Variants in EPHX1 observed in about 807,000 individuals in gnomAD.
The protein encoded by EPHX1 is epoxide hydrolase 1.
A neutral mutation model predicts 43.2 loss-of-function variants in EPHX1; 40 were observed. That is an observed-to-expected ratio of 0.93 (90% CI 0.72 to 1.21). The LOEUF is 1.21. Ranked by LOEUF, EPHX1 falls within the 50% of genes most tolerant of loss-of-function variation. The probability of loss-of-function intolerance (pLI) is 0.00; values close to 1 mark genes in which losing one functional copy is unlikely to be tolerated. For synonymous variants in EPHX1, 221 were observed against 226.7 expected (o/e 0.98, Z 0.22); for missense variants, 550 against 570.4 (o/e 0.96, Z 0.36).
At chr1:225,844,283 G>C (rs1015094184) in intron 7 of EPHX1, among the ~76,000 whole-genome samples, 12 of 151,552 alleles carry the variant, frequency 7.9e-5, no homozygotes, top group Non-Finnish European at 1.5e-4. Context: ...GGAGGACCTT[G>C]GGGTGATAAG....
rs1181475020 is a variant in EPHX1 at position 225,831,918 on chromosome 1, A to C, written c.323A>C (p.Glu108Ala). 2 of 1,614,074 alleles carry C rather than the reference A, an allele frequency of 1.2e-6. No homozygotes were observed. Among genetic ancestry groups the C allele is most frequent in the Non-Finnish European group, 1.7e-6 (2 of 1,180,050 alleles). The change falls in exon 3 of 9, where the codon GAG (glutamate) becomes GCG (alanine). Residue 108 changes from glutamate to alanine, a missense_variant. Coordinates refer to ENST00000272167, the MANE Select transcript of EPHX1 (RefSeq NM_001136018.4). ...RNEFDWKKQV[E>A]ILNRYPHFKT... ...GAATTTGACTGGAAGAAGCAGGTGG[A>C]GATTCTCAACAGATACCCTCACTTC... is the stretch of plus-strand genomic sequence containing the variant.
chr1:225,823,544 GGCT>G (rs1194171835), intron 1 of EPHX1, among the ~76,000 whole-genome samples: 1 of 152,038 alleles, frequency 6.6e-6, no homozygotes, highest in African/African-American at 2.4e-5. Context: ...TTGGACTCGA[GGCT>G]GCTGAGTTCC....
chr1:225,827,565 A>G (rs1419947458), intron 1 of EPHX1, among the ~76,000 whole-genome samples: 4 of 152,184 alleles, frequency 2.6e-5, no homozygotes, highest in Non-Finnish European at 5.9e-5. Context: ...TTAAAAGACA[A>G]CTGAGTTGAT....
rs756407271 is a variant in EPHX1, at chr1:225,838,682, G to GC, written c.400dup (p.Gln134ProfsTer26). The GC allele has an allele frequency of 4.7e-5, 76 of 1,613,522 alleles. No individual in the cohort carries two copies. The highest frequency in any genetic ancestry group is 6.0e-5 in the Non-Finnish European group (71 of 1,179,864). The stretch of plus-strand genomic sequence containing the variant: ...TGGACATCCACTTCATCCACGTGAA[G>GC]CCCCCCCAGCTGCCCGCAGGCCATA... On this transcript the variant is annotated frameshift_variant, in exon 4 of 9. Coordinates refer to ENST00000272167, the MANE Select transcript of EPHX1 (RefSeq NM_001136018.4). LOFTEE classifies it high-confidence loss of function.
At position 225,817,447 on chromosome 1, in the gene EPHX1, A is replaced by T. The variant is rs1389974713; in HGVS notation, c.-6+7278A>T. On this transcript the variant is annotated intron_variant, in intron 1 of 8. Transcript: ENST00000272167. The surrounding 1 kb of genome is among the most constrained non-coding windows in gnomAD (Gnocchi z 5.7). ...GGAAGCCATCCGTTTTTCCCTTTCC[A>T]CTGGATGTTCCCTTCGCCTTCCCCA... is the stretch of plus-strand genomic sequence containing the variant. Among the ~76,000 whole-genome samples the T allele has an allele frequency of 6.6e-6, 1 of 151,926 alleles. No individual in the cohort carries two copies. Among genetic ancestry groups the T allele is most frequent in the Non-Finnish European group, 1.5e-5 (1 of 67,952 alleles).
At chr1:225,834,639 ACTTCT>A (rs1168091568) in intron 3 of EPHX1, among the ~76,000 whole-genome samples, 1 of 149,610 alleles carries the variant, frequency 6.7e-6, no homozygotes, top group Non-Finnish European at 1.5e-5. Context: ...TCAAATTTGG[ACTTCT>A]CTTGAGTGTT....
intron 1 of EPHX1, 46 bp from the exon 2 acceptor site, chr1:225,828,679 C>G: frequency 6.2e-7 from 1 of 1,603,522 alleles, no homozygotes; most frequent in Non-Finnish European, 8.5e-7. Flanking sequence ...CTGTCAGGGC[C>G]GGGCTGGGCG....
chr1:225,830,541 T>C (rs1027702093), intron 2 of EPHX1, among the ~76,000 whole-genome samples: 3 of 152,200 alleles, frequency 2.0e-5, no homozygotes, highest in African/African-American at 7.2e-5. Flanking sequence ...CTTGGCTCAC[T>C]GCAACCTCCG....
In EPHX1 at chr1:225,842,455, G is replaced by A. The variant is rs779119688; in HGVS notation, c.1021G>A (p.Glu341Lys). ...GACCAATACGGAATTCCGATACCTG[G>A]AGGATGGAGGCCTGGAAAGGTGAGG... ...TWTNTEFRYL[E>K]DGGLERKFSL... The change falls in exon 7 of 9, where the codon GAG (glutamate) becomes AAG (lysine). Residue 341 changes from glutamate to lysine, a missense_variant. Glu to Lys is a moderately conservative substitution (Grantham distance 56). Transcript: ENST00000272167. The A allele has an allele frequency of 9.3e-6, 15 of 1,613,512 alleles. No individual in the cohort carries two copies. In the East Asian group the frequency reaches 3.3e-4, roughly 36 times the overall value.
intron 2 of EPHX1, among the ~76,000 whole-genome samples, chr1:225,830,716 T>G (rs1667534259): frequency 6.6e-6 from 1 of 152,160 alleles, no homozygotes; most frequent in Non-Finnish European, 1.5e-5. Context: ...CCACCTGCCT[T>G]GGCCTCCCAA....
intron 3 of EPHX1, among the ~76,000 whole-genome samples, chr1:225,832,473 T>G (rs1282667667): frequency 6.6e-6 from 1 of 152,242 alleles, no homozygotes; most frequent in African/African-American, 2.4e-5. Context: ...AGGCGGAGGT[T>G]GCAGTGAGCC....
chr1:225,836,754 G>A (rs967272751), intron 3 of EPHX1, among the ~76,000 whole-genome samples: 4 of 152,250 alleles, frequency 2.6e-5, no homozygotes, highest in African/African-American at 9.6e-5. Context: ...AGCAGAAGCA[G>A]AGAGGAGAAG....
intron 2 of EPHX1, among the ~76,000 whole-genome samples, chr1:225,829,405 A>G (rs1292424711): frequency 1.3e-5 from 2 of 152,256 alleles, no homozygotes; most frequent in Non-Finnish European, 2.9e-5. Flanking sequence ...CTGCAGATGC[A>G]GAAGCTGAAG....
intron 1 of EPHX1, among the ~76,000 whole-genome samples, chr1:225,818,038 A>C (rs1471133801): frequency 6.6e-6 from 1 of 152,166 alleles, no homozygotes; most frequent in Non-Finnish European, 1.5e-5. Flanking sequence ...TAGTGCGCCT[A>C]GGATACTGGT....
intron 1 of EPHX1, among the ~76,000 whole-genome samples, chr1:225,827,708 G>A (rs1342476616): frequency 6.6e-6 from 1 of 152,256 alleles, no homozygotes; most frequent in African/African-American, 2.4e-5. Context: ...ATGTTCTACA[G>A]TTGACTGTGG....
intron 1 of EPHX1, among the ~76,000 whole-genome samples, chr1:225,820,108 G>GT (rs1244453082): frequency 1.3e-5 from 2 of 151,616 alleles, no homozygotes; most frequent in African/African-American, 2.4e-5. Context: ...TCTTTTTTTT[G>GT]TTTTTTTGAG....
intron 3 of EPHX1, among the ~76,000 whole-genome samples, chr1:225,833,010 C>T (rs372356706): frequency 1.3e-5 from 2 of 152,188 alleles, no homozygotes; most frequent in East Asian, 3.8e-4. Flanking sequence ...GAGACAAGGT[C>T]TTGCTGTGTT....
At chr1:225,829,513 C>T (rs1667458454) in intron 2 of EPHX1, among the ~76,000 whole-genome samples, 1 of 152,016 alleles carries the variant, frequency 6.6e-6, no homozygotes, top group Admixed American at 6.6e-5. Context: ...CTCCTCTGCA[C>T]AGGGATAGAG....
rs1433116416 is a variant in EPHX1, at chr1:225,840,614, A to G, written c.931+577A>G. ...AAAACTTGTCAACATCCACAGAGTA[A>G]TATCAATTAAATCTCCATGGGACAA... On this transcript the variant is annotated intron_variant, in intron 6 of 8. Coordinates refer to ENST00000272167, the MANE Select transcript of EPHX1 (RefSeq NM_001136018.4). Among the ~76,000 whole-genome samples the G allele has an allele frequency of 2.0e-5, 3 of 152,276 alleles. No individual in the cohort carries two copies. In the East Asian group the frequency reaches 5.8e-4, roughly 29 times the overall value.
Sources: gnomAD v4.1 joint callset for allele counts (sites outside exome capture counted in the v4.1 genomes callset) on GRCh38, gnomAD v4.1.1 for gene constraint, Gnocchi (gnomAD v3.1) non-coding constraint, MANE v1.5 for transcripts, NCBI Gene and HGNC (gene_info 2026-07-23, HGNC 2026-07-21) for gene names.